CNTN5: variants seen among roughly 807,000 people sequenced by gnomAD.
The protein encoded by CNTN5 is contactin-5.
Under a neutral mutation model 129.1 loss-of-function variants are expected in CNTN5, and 77 were observed. The ratio of observed to expected loss-of-function variants is 0.60; its 90% CI spans 0.50 to 0.72. The LOEUF is 0.72. Ranked by LOEUF, CNTN5 falls within the 30% of genes least tolerant of loss-of-function variation. The pLI is 0.00. For synonymous variants in CNTN5, 509 were observed against 465.6 expected (o/e 1.09, Z -1.20); for missense variants, 1,478 against 1,328.8 (o/e 1.11, Z -1.75).
intron 1 of CNTN5, among the ~76,000 whole-genome samples, chr11:99,143,316 T>A (rs896996202): frequency 4.0e-5 from 1 of 25,008 alleles, no homozygotes; most frequent in African/African-American, 3.2e-4. Context: ...ATATATATAT[T>A]TTAAAATATG....
chr11:99,149,132 G>C (rs1859926504), intron 1 of CNTN5, among the ~76,000 whole-genome samples: 1 of 152,038 alleles, frequency 6.6e-6, no homozygotes, highest in South Asian at 2.1e-4. Context: ...TAACAAATAA[G>C]GATGAACATT....
chr11:99,332,205 G>C (rs566942243), intron 2 of CNTN5, among the ~76,000 whole-genome samples: 66 of 152,010 alleles, frequency 4.3e-4, no homozygotes, highest in African/African-American at 1.6e-3. Flanking sequence ...TAATTTCTCT[G>C]TTTATATTTT....
At chr11:99,310,907 T>A (rs568790341) in intron 1 of CNTN5, among the ~76,000 whole-genome samples, 1 of 150,862 alleles carries the variant, frequency 6.6e-6, no homozygotes, top group East Asian at 2.0e-4. Context: ...CTTTATTATC[T>A]TACTGTAATG....
chr11:99,382,874 T>TTTTTTTTTTTTTTTTC, intron 2 of CNTN5, among the ~76,000 whole-genome samples: 1 of 141,894 alleles, frequency 7.0e-6, no homozygotes, highest in Non-Finnish European at 1.5e-5. Flanking sequence ...TTTTTTTTTT[T>TTTTTTTTTTTTTTTTC]TAGACAGAGT....
In CNTN5 at chr11:99,621,022, G is replaced by A. The variant is rs565217029; in HGVS notation, c.55+64753G>A. Among the ~76,000 whole-genome samples, 11 of 152,054 alleles carry A rather than the reference G, an allele frequency of 7.2e-5. No individual in the cohort carries two copies. In the South Asian group the frequency reaches 2.1e-3, roughly 29 times the overall value. ...ATGTGAGGCACTATGTTAGGCAAAA[G>A]GAATACAAATAACACACATAAAGTC... On this transcript the variant is annotated intron_variant, in intron 3 of 24. Transcript: ENST00000524871.
chr11:99,647,517 TTAA>T (rs777149436), intron 3 of CNTN5, among the ~76,000 whole-genome samples: 1 of 152,050 alleles, frequency 6.6e-6, no homozygotes, highest in African/African-American at 2.4e-5. Flanking sequence ...TTTTTCACTA[TTAA>T]TGATCTTTTG....
chr11:99,202,331 TTATTTTGACCA>T (rs1461676381), intron 1 of CNTN5, among the ~76,000 whole-genome samples: 4 of 152,172 alleles, frequency 2.6e-5, no homozygotes, highest in Admixed American at 6.6e-5. Context: ...TTGAAACAAT[TTATTTTGACCA>T]TAAAAATATC....
intron 1 of CNTN5, among the ~76,000 whole-genome samples, chr11:99,151,925 C>T (rs568279877): frequency 7.9e-5 from 12 of 151,988 alleles, no homozygotes; most frequent in Non-Finnish European, 1.3e-4. Flanking sequence ...ATGTAGATGA[C>T]GGGTTGATGG....
At chr11:99,342,718 G>A (rs1866577552) in intron 2 of CNTN5, among the ~76,000 whole-genome samples, 1 of 151,340 alleles carries the variant, frequency 6.6e-6, no homozygotes. Flanking sequence ...GCAACAGAGG[G>A]AAAGCTTATC....
chr11:99,327,252 T>C (rs138107718), intron 2 of CNTN5, among the ~76,000 whole-genome samples: 292 of 152,280 alleles, frequency 1.9e-3, no homozygotes, highest in African/African-American at 6.5e-3. Context: ...CACTTCCAGA[T>C]GGATGATGGA....
At chr11:99,588,778 C>T (rs1483189523) in intron 3 of CNTN5, among the ~76,000 whole-genome samples, 2 of 152,054 alleles carry the variant, frequency 1.3e-5, no homozygotes, top group Non-Finnish European at 2.9e-5. Flanking sequence ...GTCAATATGA[C>T]ACAGTGAAGC....
At chr11:99,914,654 G>A (rs535824179) in intron 6 of CNTN5, among the ~76,000 whole-genome samples, 8 of 151,950 alleles carry the variant, frequency 5.3e-5, no homozygotes, top group Admixed American at 3.9e-4. Flanking sequence ...CTTTTGTCCT[G>A]CTACTTTATG....
chr11:99,905,555 G>A (rs1331930643), intron 6 of CNTN5, among the ~76,000 whole-genome samples: 2 of 152,170 alleles, frequency 1.3e-5, no homozygotes, highest in South Asian at 2.1e-4. Flanking sequence ...TTGTAGTATA[G>A]TTTAAAGTAG....
At chr11:99,094,853 A>T (rs536725285) in intron 1 of CNTN5, among the ~76,000 whole-genome samples, 7 of 152,020 alleles carry the variant, frequency 4.6e-5, no homozygotes, top group African/African-American at 7.2e-5. Flanking sequence ...GAGAAAGGAG[A>T]TTAATGGTAA....
At chr11:100,146,893 A>T (rs1591313544) in intron 13 of CNTN5, among the ~76,000 whole-genome samples, 1 of 152,280 alleles carries the variant, frequency 6.6e-6, no homozygotes, top group South Asian at 2.1e-4. Context: ...TCACTAAGCA[A>T]TGCAAAATAA....
chr11:99,137,649 T>C (rs1291288661), intron 1 of CNTN5, among the ~76,000 whole-genome samples: 1 of 152,188 alleles, frequency 6.6e-6, no homozygotes, highest in Non-Finnish European at 1.5e-5. Context: ...ATTGTATTAC[T>C]CCTTAGCTTT....
intron 8 of CNTN5, among the ~76,000 whole-genome samples, chr11:99,999,297 A>T (rs1049142025): frequency 1.3e-5 from 2 of 152,220 alleles, no homozygotes; most frequent in African/African-American, 4.8e-5. Context: ...AATGAACTCC[A>T]ACAAATTTAC....
Position 99,777,452 on chromosome 11 carries a change from C to T in CNTN5, c.56-42092C>T, listed in dbSNP as rs141619897. ...ATAAATGCAAAATTAAGAGAGTAAA[C>T]GATGCTAACACAATGTCTCAATTTC... On this transcript the variant is annotated intron_variant, in intron 3 of 24. Transcript: ENST00000524871. Among the ~76,000 whole-genome samples the T allele has an allele frequency of 9.8e-3, 1,484 of 151,886 alleles. 25 individuals are homozygous for T. Among genetic ancestry groups the T allele is most frequent in the African/African-American group, 0.032 (1,324 of 41,486 alleles).
In CNTN5 at chr11:99,936,017, C is replaced by T. The variant is rs556904612; in HGVS notation, c.673+19868C>T. ...TTTTGATTCTTCCTGTCTACTTTTACGTTGTATTTCCACCAGGAATAATGA... is the reference window on the plus strand; with the variant it reads ...TTTTGATTCTTCCTGTCTACTTTTATGTTGTATTTCCACCAGGAATAATGA... On this transcript the variant is annotated intron_variant, in intron 7 of 24. Transcript: ENST00000524871. 5.3e-5 allele frequency among the ~76,000 whole-genome samples: 8 copies of T among 152,216 alleles called. No individual in the cohort carries two copies. In the South Asian group the frequency reaches 1.0e-3, roughly 20 times the overall value.
Sources: gnomAD v4.1 joint callset for allele counts (sites outside exome capture counted in the v4.1 genomes callset) on GRCh38, gnomAD v4.1.1 for gene constraint, MANE v1.5 for transcripts, NCBI Gene and HGNC (gene_info 2026-07-23, HGNC 2026-07-21) for gene names.